Variants in MYL12A observed in about 807,000 individuals in gnomAD.
The protein encoded by MYL12A is myosin regulatory light chain 12A.
MYL12A carries 11 observed loss-of-function variants against 13.3 expected under a neutral mutation model. That is an observed-to-expected ratio of 0.83 (90% CI 0.52 to 1.37). The LOEUF is 1.37. MYL12A is among the 40% of genes most tolerant of loss of function. The pLI, the probability that MYL12A is intolerant of heterozygous loss-of-function variation, is 0.00. For missense variants in MYL12A, 146 were observed against 212.3 expected (o/e 0.69, Z 1.94); for synonymous variants, 51 against 69.9 (o/e 0.73, Z 1.35).
At chr18:3,253,620 G>T in intron 2 of MYL12A, 192 bp downstream of exon 2, 1 of 595,846 alleles carries the variant, frequency 1.7e-6, no homozygotes, top group Non-Finnish European at 2.6e-6. Context: ...GTTGGGGTTC[G>T]TGTGTGTGTG....
At chr18:3,251,416 G>A (rs191073705) in intron 1 of MYL12A, among the ~76,000 whole-genome samples, 27 of 152,224 alleles carry the variant, frequency 1.8e-4, no homozygotes, top group African/African-American at 6.5e-4. Context: ...TGCATCATTA[G>A]GGAAAGACAA....
In MYL12A at chr18:3,253,242, A is replaced by G. The variant is rs990056673; in HGVS notation, c.-6A>G. On this transcript the variant is annotated 5_prime_UTR_variant, in exon 2 of 4. Transcript: ENST00000217652. Reference sequence around the variant, plus strand: ...TTCCTTTCCTAATTAGGACTTAACCACCACCATGTCGAGCAAAAGAACAAA... The same window carrying G: ...TTCCTTTCCTAATTAGGACTTAACCGCCACCATGTCGAGCAAAAGAACAAA... The G allele has an allele frequency of 6.2e-6, 10 of 1,609,640 alleles. No homozygotes were observed. Among genetic ancestry groups the G allele is most frequent in the East Asian group, 2.2e-5 (1 of 44,848 alleles).
chr18:3,250,184 C>A (rs2081471013), intron 1 of MYL12A, among the ~76,000 whole-genome samples: 1 of 152,134 alleles, frequency 6.6e-6, no homozygotes. Flanking sequence ...GTAACCTGCA[C>A]GTTGTGCACA....
intron 1 of MYL12A, chr18:3,252,249 A>C: frequency 7.9e-7 from 1 of 1,273,018 alleles, no homozygotes; most frequent in Non-Finnish European, 1.1e-6. Flanking sequence ...TTGGAAGAAT[A>C]TAACTCAATG....
intron 3 of MYL12A, chr18:3,255,470 C>T (rs1446025944): frequency 6.5e-6 from 2 of 305,384 alleles, no homozygotes; most frequent in Non-Finnish European, 1.2e-5. Flanking sequence ...TTTGTTTAGG[C>T]ATAGGTTTAG....
chr18:3,251,596 A>G (rs980812100), intron 1 of MYL12A, among the ~76,000 whole-genome samples: 3 of 152,216 alleles, frequency 2.0e-5, no homozygotes, highest in Non-Finnish European at 2.9e-5. Context: ...AATATATTCT[A>G]TATCTCTTTG....
Position 3,247,896 on chromosome 18 carries a change from C to T in MYL12A, c.-29C>T, listed in dbSNP as rs949404694. On this transcript the variant is annotated 5_prime_UTR_variant, in exon 1 of 4. Transcript: ENST00000217652. ...GGGCTCGGAGAGGTGCTCGGATTCTCGTAGCTGTGCCGGGTGAGTGGCGCT... is the reference window on the plus strand; with the variant it reads ...GGGCTCGGAGAGGTGCTCGGATTCTTGTAGCTGTGCCGGGTGAGTGGCGCT... 1.3e-5 allele frequency: 2 copies of T among 152,238 alleles called. No individual in the cohort carries two copies. Among genetic ancestry groups the T allele is most frequent in the African/African-American group, 2.4e-5 (1 of 41,454 alleles). The allele number at this position is 152,238 out of a possible 1,614,324, so 9.4% of individuals were successfully genotyped here.
intron 1 of MYL12A, among the ~76,000 whole-genome samples, chr18:3,248,903 C>A: frequency 6.6e-6 from 1 of 150,998 alleles, no homozygotes. Context: ...TGGTTAGCAC[C>A]AGAAAATAAG....
chr18:3,254,112 A>G, intron 3 of MYL12A, 62 bp downstream of exon 3: 4 of 1,536,724 alleles, frequency 2.6e-6, no homozygotes, highest in Non-Finnish European at 3.5e-6. Context: ...TAACTAAAAT[A>G]TACAGTAACT....
At chr18:3,252,577 T>G (rs906674667) in intron 1 of MYL12A, 11 of 815,566 alleles carry the variant, frequency 1.3e-5, no homozygotes, top group Non-Finnish European at 1.9e-5. Context: ...TTTAGAGATC[T>G]TAGATACTTC....
intron 2 of MYL12A, 169 bp downstream of exon 2, chr18:3,253,597 G>C: frequency 1.1e-6 from 1 of 884,440 alleles, no homozygotes; most frequent in East Asian, 2.6e-5. Context: ...TCGTGACCCT[G>C]TCTTAGGATT....
chr18:3,252,899 G>T (rs534956015), intron 1 of MYL12A, among the ~76,000 whole-genome samples: 1 of 152,318 alleles, frequency 6.6e-6, no homozygotes, highest in African/African-American at 2.4e-5. Flanking sequence ...AGGCTGCAAA[G>T]CAGGGACCTA....
intron 1 of MYL12A, chr18:3,249,580 C>G (rs1050226155): frequency 3.3e-5 from 5 of 152,174 alleles, no homozygotes; most frequent in African/African-American, 9.7e-5. Flanking sequence ...AACAGACACT[C>G]CTTGACACCA....
chr18:3,253,257 A>C lies in MYL12A; in HGVS notation c.10A>C (p.Lys4Gln). Reference sequence around the variant, plus strand: ...GGACTTAACCACCACCATGTCGAGCAAAAGAACAAAGACCAAGACCAAGAA... The same window carrying C: ...GGACTTAACCACCACCATGTCGAGCCAAAGAACAAAGACCAAGACCAAGAA... MSS[K>Q]RTKTKTKKRP... The change falls in exon 2 of 4, where the codon AAA becomes CAA. Residue 4 changes from lysine to glutamine, a missense_variant. Coordinates refer to ENST00000217652, the MANE Select transcript of MYL12A (RefSeq NM_006471.4). 1 of 1,613,310 alleles carries C rather than the reference A, an allele frequency of 6.2e-7. No homozygotes were observed. The highest frequency in any genetic ancestry group is 8.5e-7 in the Non-Finnish European group (1 of 1,179,450).
chr18:3,252,246 A>G, intron 1 of MYL12A: 1 of 1,240,402 alleles, frequency 8.1e-7, no homozygotes, highest in South Asian at 1.4e-5. Context: ...TGCTTGGAAG[A>G]ATATAACTCA....
Position 3,255,745 on chromosome 18 carries a change from G to C in MYL12A, c.344-1G>C, listed in dbSNP as rs375151999. 2 of 1,610,926 alleles carry C rather than the reference G, an allele frequency of 1.2e-6. No individual in the cohort carries two copies. Among genetic ancestry groups the C allele is most frequent in the African/African-American group, 2.7e-5 (2 of 74,682 alleles). On this transcript the variant is annotated splice_acceptor_variant, in intron 3 of 3. Coordinates refer to ENST00000217652, the MANE Select transcript of MYL12A (RefSeq NM_006471.4). LOFTEE classifies it high-confidence loss of function. ...CTGATCCCTTGTTCTTTATTCTCCA[G>C]GCACCATACAGGAAGATTACTTGAG...
chr18:3,253,912 C>A lies in MYL12A; in HGVS notation c.205C>A (p.Leu69Ile). 1 of 1,610,352 alleles carries A rather than the reference C, an allele frequency of 6.2e-7. No individual in the cohort carries two copies. The highest frequency in any genetic ancestry group is 8.5e-7 in the Non-Finnish European group (1 of 1,179,150). The change falls in exon 3 of 4, where the codon CTA becomes ATA. Residue 69 changes from leucine to isoleucine, a missense_variant. By Grantham distance (5) the Leu-to-Ile change is conservative. Coordinates refer to ENST00000217652, the MANE Select transcript of MYL12A (RefSeq NM_006471.4). Reference sequence around the variant, plus strand: ...AGGGAAGAATCCAACTGATGAGTATCTAGATGCCATGATGAATGAGGCTCC... The same window carrying A: ...AGGGAAGAATCCAACTGATGAGTATATAGATGCCATGATGAATGAGGCTCC... ...SLGKNPTDEY[L>I]DAMMNEAPGP...
intron 1 of MYL12A, among the ~76,000 whole-genome samples, chr18:3,250,925 A>G (rs149138128): frequency 1.3e-5 from 2 of 152,312 alleles, no homozygotes; most frequent in South Asian, 2.1e-4. Context: ...AGTTGAACCA[A>G]TCATCTCATT....
At chr18:3,252,254 T>G (rs1003729326) in intron 1 of MYL12A, 1 of 1,307,192 alleles carries the variant, frequency 7.6e-7, no homozygotes, top group Non-Finnish European at 1.1e-6. Context: ...AGAATATAAC[T>G]CAATGCAGTG....
Sources: gnomAD v4.1 joint callset for allele counts (sites outside exome capture counted in the v4.1 genomes callset) on GRCh38, gnomAD v4.1.1 for gene constraint, MANE v1.5 for transcripts, NCBI Gene and HGNC (gene_info 2026-07-23, HGNC 2026-07-21) for gene names.